The following BMP7 variants were observed in gnomAD, a reference collection of about 807,000 sequenced individuals.
The protein encoded by BMP7 is bone morphogenetic protein 7.
BMP7 carries 12 observed loss-of-function variants against 41.2 expected under a neutral mutation model. That is an observed-to-expected ratio of 0.29 (90% CI 0.19 to 0.47). The LOEUF is 0.47. Ranked by LOEUF, BMP7 falls within the 20% of genes least tolerant of loss-of-function variation. BMP7 has a pLI of 0.99. For missense variants in BMP7, 467 were observed against 606.0 expected (o/e 0.77, Z 2.41); for synonymous variants, 248 against 250.0 (o/e 0.99, Z 0.07).
intron 1 of BMP7, among the ~76,000 whole-genome samples, chr20:57,265,382 C>T (rs571689078): frequency 5.2e-5 from 8 of 152,396 alleles, no homozygotes; most frequent in African/African-American, 1.7e-4. Flanking sequence ...CGGCCCGGGA[C>T]AGCTCACATG....
chr20:57,255,558 G>C (rs2066130679), intron 1 of BMP7, among the ~76,000 whole-genome samples: 1 of 152,124 alleles, frequency 6.6e-6, no homozygotes, highest in African/African-American at 2.4e-5. Flanking sequence ...TTAACACCTT[G>C]GGAGGCTGAG....
intron 1 of BMP7, among the ~76,000 whole-genome samples, chr20:57,241,321 G>C (rs1282289656): frequency 6.6e-6 from 1 of 152,206 alleles, no homozygotes; most frequent in Non-Finnish European, 1.5e-5. Flanking sequence ...TCAAAGTGAA[G>C]GTTCTGCATC....
intron 3 of BMP7, among the ~76,000 whole-genome samples, chr20:57,194,585 T>C (rs754682480): frequency 7.2e-5 from 11 of 152,084 alleles, no homozygotes; most frequent in Non-Finnish European, 1.3e-4. Flanking sequence ...AGATAAGACA[T>C]CATTATTTTC....
chr20:57,242,801 G>A (rs2123131383), intron 1 of BMP7, among the ~76,000 whole-genome samples: 1 of 151,968 alleles, frequency 6.6e-6, no homozygotes, highest in African/African-American at 2.4e-5. Context: ...TCAGGAGTTT[G>A]AGACCAGCCT....
rs552177838 is a variant in BMP7 at position 57,213,490 on chromosome 20, G to C, written c.612-10867C>G. The stretch of plus-strand genomic sequence containing the variant: ...CATAATGCACCTTAGCTCTTTAAAG[G>C]CTCTGAAAAGTCCTGCTGCAAAGAA... On this transcript the variant is annotated intron_variant, in intron 2 of 6. Coordinates refer to ENST00000395863, the MANE Select transcript of BMP7 (RefSeq NM_001719.3). The surrounding 1 kb of genome is among the most constrained non-coding windows in gnomAD (Gnocchi z 4.4). Among the ~76,000 whole-genome samples, 62 of 152,286 alleles carry C rather than the reference G, an allele frequency of 4.1e-4. No homozygotes were observed. The highest frequency in any genetic ancestry group is 1.3e-3 in the African/African-American group (54 of 41,570).
intron 1 of BMP7, among the ~76,000 whole-genome samples, chr20:57,255,137 A>G (rs1432811721): frequency 2.0e-5 from 3 of 152,130 alleles, no homozygotes; most frequent in African/African-American, 7.2e-5. Context: ...AATGGTCTCA[A>G]CATCATCTCC....
At chr20:57,225,779 G>A (rs2066003509) in intron 2 of BMP7, 1 of 406,474 alleles carries the variant, frequency 2.5e-6, no homozygotes, top group Non-Finnish European at 5.4e-6. Context: ...AGAACATGTA[G>A]AAACCTAAAG....
rs1983799844 is a variant in BMP7, at chr20:57,170,835, T to G, written c.*124A>C. The G allele has an allele frequency of 7.9e-7, 1 of 1,272,188 alleles. No individual in the cohort carries two copies. The highest frequency in any genetic ancestry group is 1.9e-5 in the Admixed American group (1 of 51,448). The allele number at this position is 1,272,188 out of a possible 1,614,324, so 78.8% of individuals were successfully genotyped here. ...CATGTTTCCTAATACTCTCACACCT[T>G]TAAAGTTGGGGATAGGGAGGGGAAG... On this transcript the variant is annotated 3_prime_UTR_variant, in exon 7 of 7. Coordinates refer to ENST00000395863, the MANE Select transcript of BMP7 (RefSeq NM_001719.3).
intron 3 of BMP7, among the ~76,000 whole-genome samples, chr20:57,184,466 C>T (rs1042746887): frequency 6.6e-6 from 1 of 152,012 alleles, no homozygotes; most frequent in Non-Finnish European, 1.5e-5. Context: ...GAGGCAGGAG[C>T]AAGGAGGGTG....
At chr20:57,203,425 ATGGATGGATGGT>A (rs1175146772) in intron 2 of BMP7, among the ~76,000 whole-genome samples, 3 of 151,874 alleles carry the variant, frequency 2.0e-5, no homozygotes, top group Non-Finnish European at 4.4e-5. Flanking sequence ...GAGTGGATGG[ATGGATGGATGGT>A]TGGATGGATA....
chr20:57,230,334 C>A (rs2066024301), intron 1 of BMP7, among the ~76,000 whole-genome samples: 1 of 152,088 alleles, frequency 6.6e-6, no homozygotes, highest in Non-Finnish European at 1.5e-5. Context: ...ACTTGGGAAC[C>A]AAGTGAGCCT....
At chr20:57,172,041 C>T (rs1983826593) in intron 6 of BMP7, among the ~76,000 whole-genome samples, 3 of 152,216 alleles carry the variant, frequency 2.0e-5, no homozygotes, top group African/African-American at 7.2e-5. Flanking sequence ...CACTTTGATC[C>T]TGCAGATCTC....
intron 1 of BMP7, among the ~76,000 whole-genome samples, chr20:57,239,340 G>A (rs1173220141): frequency 6.6e-6 from 1 of 152,210 alleles, no homozygotes; most frequent in African/African-American, 2.4e-5. Flanking sequence ...TTGACTCCAG[G>A]TCTCACATCC....
At chr20:57,189,819 A>G (rs1361896385) in intron 3 of BMP7, among the ~76,000 whole-genome samples, 1 of 152,234 alleles carries the variant, frequency 6.6e-6, no homozygotes, top group Non-Finnish European at 1.5e-5. Context: ...GGGCTGGGGC[A>G]CATCGGTGAA....
At chr20:57,208,174 A>G (rs1362821209) in intron 2 of BMP7, among the ~76,000 whole-genome samples, 2 of 152,222 alleles carry the variant, frequency 1.3e-5, no homozygotes, top group Admixed American at 1.3e-4. Context: ...ATCAACAGAT[A>G]ATTCTTTCTT....
rs35180643 is a variant in BMP7, at chr20:57,254,017, C to CTTTTTTTTTTTT, written c.418+11676_418+11687dup. Reference sequence around the variant, plus strand: ...ATTGTATTTTCTTTTGGTTTCTTTCCTTTTTTTTTTTTTTTTTTTTTTTTT... The same window carrying CTTTTTTTTTTTT: ...ATTGTATTTTCTTTTGGTTTCTTTCCTTTTTTTTTTTTTTTTTTTTTTTTTTTTTTTTTTTTT... On this transcript the variant is annotated intron_variant, in intron 1 of 6. Coordinates refer to ENST00000395863, the MANE Select transcript of BMP7 (RefSeq NM_001719.3). Among the ~76,000 whole-genome samples, 15 of 71,538 alleles carry CTTTTTTTTTTTT rather than the reference C, an allele frequency of 2.1e-4. 2 individuals are homozygous for CTTTTTTTTTTTT. Among genetic ancestry groups the CTTTTTTTTTTTT allele is most frequent in the African/African-American group, 8.7e-4 (14 of 16,084 alleles). The allele number at this position is 71,538 out of a possible 152,430, so 46.9% of individuals were successfully genotyped here.
intron 2 of BMP7, among the ~76,000 whole-genome samples, chr20:57,226,246 C>A (rs529653842): frequency 6.6e-6 from 1 of 152,338 alleles, no homozygotes; most frequent in South Asian, 2.1e-4. Context: ...GCTGCCGGAG[C>A]TGAGTGGAGA....
chr20:57,253,398 A>C (rs554602808), intron 1 of BMP7, among the ~76,000 whole-genome samples: 1 of 152,356 alleles, frequency 6.6e-6, no homozygotes, highest in South Asian at 2.1e-4. Flanking sequence ...AAGATCTTTT[A>C]GATCTCCTCC....
At chr20:57,254,017 CTTTTTTTTTTT>C (rs35180643) in intron 1 of BMP7, among the ~76,000 whole-genome samples, 2 of 71,532 alleles carry the variant, frequency 2.8e-5, no homozygotes, top group Admixed American at 4.4e-4. Context: ...GGTTTCTTTC[CTTTTTTTTTTT>C]TTTTTTTTTT....
Sources: allele counts gnomAD v4.1 joint callset (sites outside exome capture counted in the v4.1 genomes callset), GRCh38; gene constraint gnomAD v4.1.1; non-coding constraint Gnocchi (gnomAD v3.1); transcripts MANE v1.5; gene names NCBI Gene and HGNC (gene_info 2026-07-23, HGNC 2026-07-21).